Variants in TK2 observed in about 807,000 individuals in gnomAD.
TK2 encodes the protein thymidine kinase 2, mitochondrial.
TK2 carries 35 observed loss-of-function variants against 41.9 expected under a neutral mutation model. That is an observed-to-expected ratio of 0.84 (90% CI 0.64 to 1.11). The LOEUF (loss-of-function observed/expected upper bound fraction) is 1.11. TK2 is among the 50% of genes least tolerant of loss of function. The pLI is 0.00. For synonymous variants in TK2, 128 were observed against 129.1 expected (o/e 0.99, Z 0.06); for missense variants, 320 against 351.1 (o/e 0.91, Z 0.71).
intron 2 of TK2, among the ~76,000 whole-genome samples, chr16:66,548,280 C>G (rs1162672964): frequency 6.6e-6 from 1 of 152,146 alleles, no homozygotes; most frequent in Non-Finnish European, 1.5e-5. Context: ...CACTGTCTAC[C>G]CTCTGCAGAT....
At position 66,511,964 on chromosome 16, in the gene TK2, C is replaced by A. The variant is rs1024493809; in HGVS notation, c.*4G>T. 1.9e-6 allele frequency: 3 copies of A among 1,613,878 alleles called. No homozygotes were observed. ...TCAGACATGAGCCATAGACCTTTTG[C>A]CTCCTATGGGCAATGCTTCCGATTC... On this transcript the variant is annotated 3_prime_UTR_variant, in exon 10 of 10. Transcript: ENST00000544898.
chr16:66,539,121 G>C lies in TK2; in HGVS notation c.232-2104C>G, dbSNP rs542370759. Among the ~76,000 whole-genome samples the C allele has an allele frequency of 5.3e-5, 8 of 152,228 alleles. No homozygotes were observed. The East Asian group carries it at 9.6e-4, about 18-fold the overall frequency. On this transcript the variant is annotated intron_variant, in intron 3 of 9. Coordinates refer to ENST00000544898, the MANE Select transcript of TK2 (RefSeq NM_004614.5). The stretch of plus-strand genomic sequence containing the variant: ...AACTATCGTTGTTAATCGGGTCCAA[G>C]GTCTTCAGTGAGACTATAAGCACTT...
chr16:66,525,220 G>A (rs1036712832), intron 6 of TK2, among the ~76,000 whole-genome samples: 6 of 152,192 alleles, frequency 3.9e-5, no homozygotes, highest in African/African-American at 1.4e-4. Context: ...TTTGAATGCC[G>A]CTACCCCTTG....
chr16:66,529,095 A>G, intron 5 of TK2, 28 bp from the exon 6 acceptor site: 3 of 1,609,148 alleles, frequency 1.9e-6, no homozygotes, highest in Non-Finnish European at 2.6e-6. Context: ...GAGAATCACT[A>G]ACTCAGGGGA....
intron 3 of TK2, 75 bp downstream of exon 3, chr16:66,541,804 G>A (rs1224594300): frequency 1.4e-6 from 2 of 1,464,100 alleles, no homozygotes; most frequent in African/African-American, 1.4e-5. Context: ...TATTGGACAA[G>A]GTTAGTCCAC....
At chr16:66,549,159 G>A (rs1965700506) in intron 1 of TK2, 150 bp from the exon 2 acceptor site, 2 of 1,514,174 alleles carry the variant, frequency 1.3e-6, no homozygotes, top group Non-Finnish European at 1.8e-6. Context: ...GAGATTGGAG[G>A]CGCGCACCAC....
chr16:66,532,230 C>A (rs754814550), intron 4 of TK2, among the ~76,000 whole-genome samples: 2 of 150,448 alleles, frequency 1.3e-5, no homozygotes, highest in Non-Finnish European at 3.0e-5. Context: ...ATATAAAAAT[C>A]AGTAGCATGT....
At chr16:66,518,726 C>T (rs1013811850) in intron 6 of TK2, among the ~76,000 whole-genome samples, 2 of 152,178 alleles carry the variant, frequency 1.3e-5, no homozygotes, top group African/African-American at 4.8e-5. Context: ...GCAACAGGAT[C>T]TAAAACTGTG....
intron 4 of TK2, 127 bp downstream of exon 4, chr16:66,536,837 C>T: frequency 4.3e-6 from 5 of 1,157,526 alleles, no homozygotes; most frequent in Non-Finnish European, 6.5e-6. Context: ...CTTGTCCCTC[C>T]CTGGTCTTCT....
At chr16:66,546,129 C>G (rs1267717918) in intron 2 of TK2, among the ~76,000 whole-genome samples, 2 of 152,106 alleles carry the variant, frequency 1.3e-5, no homozygotes, top group East Asian at 3.9e-4. Context: ...ACTTGGGAGG[C>G]TGATGTGGGA....
chr16:66,540,173 C>CTTTTTTTTTT (rs200305417), intron 3 of TK2, among the ~76,000 whole-genome samples: 7 of 130,782 alleles, frequency 5.4e-5, no homozygotes, highest in Admixed American at 1.6e-4. Flanking sequence ...TTTCTTTTTT[C>CTTTTTTTTTT]TTTTTTTTTT....
At position 66,514,383 on chromosome 16, in the gene TK2, G is replaced by T. The variant is rs1317002206; in HGVS notation, c.619-572C>A. Among the ~76,000 whole-genome samples the T allele has an allele frequency of 1.3e-5, 2 of 152,232 alleles. No individual in the cohort carries two copies. Among genetic ancestry groups the T allele is most frequent in the Non-Finnish European group, 2.9e-5 (2 of 68,034 alleles). On this transcript the variant is annotated intron_variant, in intron 8 of 9. Transcript: ENST00000544898. The surrounding 1 kb of genome is among the most constrained non-coding windows in gnomAD (Gnocchi z 4.2). ...TGATCCGCCAGCCTCGGCCTCCCGA[G>T]GTGCCGGGATTGCAGACGGAGTCTG... is the stretch of plus-strand genomic sequence containing the variant.
chr16:66,536,103 G>C (rs922402514), intron 4 of TK2, among the ~76,000 whole-genome samples: 8 of 151,498 alleles, frequency 5.3e-5, no homozygotes, highest in Admixed American at 5.3e-4. Context: ...AGTCAGGAGA[G>C]TGAGGCAGGA....
chr16:66,532,129 C>CAA (rs11334281), intron 4 of TK2, among the ~76,000 whole-genome samples: 8 of 75,616 alleles, frequency 1.1e-4, no homozygotes, highest in Non-Finnish European at 2.3e-4. Context: ...TTGAAATGAC[C>CAA]AAAAAAAAAA....
At chr16:66,547,442 C>A (rs551273605) in intron 2 of TK2, among the ~76,000 whole-genome samples, 12 of 152,226 alleles carry the variant, frequency 7.9e-5, no homozygotes, top group Non-Finnish European at 1.5e-4. Flanking sequence ...TATCCCCCAG[C>A]CCTCCCCAGC....
chr16:66,523,998 T>A (rs1468052465), intron 6 of TK2, among the ~76,000 whole-genome samples: 1 of 152,214 alleles, frequency 6.6e-6, no homozygotes. Flanking sequence ...AAAATACTTT[T>A]TACTTTGCCC....
At chr16:66,526,416 C>CTGGAA (rs1365400181) in intron 6 of TK2, among the ~76,000 whole-genome samples, 2 of 152,168 alleles carry the variant, frequency 1.3e-5, no homozygotes, top group Non-Finnish European at 2.9e-5. Flanking sequence ...CCCTTAACCT[C>CTGGAA]TGGTCATTCC....
In TK2 at chr16:66,511,029, A is replaced by T. The variant is rs1195885423; in HGVS notation, c.*939T>A. On this transcript the variant is annotated 3_prime_UTR_variant, in exon 10 of 10. Transcript: ENST00000544898. The stretch of plus-strand genomic sequence containing the variant: ...TAATTCCAAGAGCAAAGCTCCTTAT[A>T]CAAGGACACAGACAGTACGGGAGCC... 1 of 152,212 alleles carries T rather than the reference A, an allele frequency of 6.6e-6. No homozygotes were observed. The highest frequency in any genetic ancestry group is 1.5e-5 in the Non-Finnish European group (1 of 68,046). 9.4% of individuals were successfully genotyped at this position (152,212 alleles called of 1,614,324 possible).
chr16:66,539,155 C>T (rs1965375868), intron 3 of TK2, among the ~76,000 whole-genome samples: 1 of 152,098 alleles, frequency 6.6e-6, no homozygotes, highest in Non-Finnish European at 1.5e-5. Context: ...TTCTAAAGTG[C>T]CATTAAGAGT....
Sources: gnomAD v4.1 joint callset for allele counts (sites outside exome capture counted in the v4.1 genomes callset) on GRCh38, gnomAD v4.1.1 for gene constraint, Gnocchi (gnomAD v3.1) non-coding constraint, MANE v1.5 for transcripts, NCBI Gene and HGNC (gene_info 2026-07-23, HGNC 2026-07-21) for gene names.